Variants in ANKRD36 observed in about 807,000 individuals in gnomAD.
The protein encoded by ANKRD36 is ankyrin repeat domain 36.
In ANKRD36, 179 loss-of-function variants were observed where a neutral mutation model predicts 278.1. The observed-to-expected ratio is 0.64, with a 90% confidence interval of 0.57 to 0.73. The LOEUF (loss-of-function observed/expected upper bound fraction) is 0.73. Ranked by LOEUF, ANKRD36 falls within the 30% of genes least tolerant of loss-of-function variation. The probability of loss-of-function intolerance (pLI) is 0.00; values close to 1 mark genes in which losing one functional copy is unlikely to be tolerated. For missense variants in ANKRD36, 1,159 were observed against 1,956.7 expected (o/e 0.59, Z 7.69); for synonymous variants, 320 against 641.1 (o/e 0.50, Z 7.57).
chr2:97,118,024 T>C, intron 1 of ANKRD36, 40 bp from the exon 2 acceptor site: 1 of 1,539,318 alleles, frequency 6.5e-7, no homozygotes, highest in Admixed American at 2.1e-5. Context: ...TAATTAATGC[T>C]TACAGTTACA....
intron 38 of ANKRD36, 125 bp from the exon 39 acceptor site, chr2:97,194,601 A>T (rs1359995318): frequency 6.5e-7 from 1 of 1,535,534 alleles, no homozygotes; most frequent in African/African-American, 1.4e-5. Context: ...GACAGAAAGT[A>T]GAAGCCATCA....
At chr2:97,210,971 G>T (rs2064346131) in intron 56 of ANKRD36, among the ~76,000 whole-genome samples, 1 of 151,858 alleles carries the variant, frequency 6.6e-6, no homozygotes, top group African/African-American at 2.4e-5. Context: ...ATGGGGGTGA[G>T]AGATAATGAA....
intron 67 of ANKRD36, among the ~76,000 whole-genome samples, chr2:97,233,391 G>A (rs1434123948): frequency 6.7e-6 from 1 of 149,666 alleles, no homozygotes; most frequent in African/African-American, 2.5e-5. Context: ...GTGTAAAATG[G>A]GGTAATCTAA....
chr2:97,190,007 A>G (rs2058157780), intron 34 of ANKRD36, among the ~76,000 whole-genome samples: 1 of 85,080 alleles, frequency 1.2e-5, no homozygotes, highest in African/African-American at 2.7e-5. Context: ...CTTTACTTAT[A>G]AAAATGAGAT....
At chr2:97,197,494 A>T (rs1359679027) in intron 42 of ANKRD36, among the ~76,000 whole-genome samples, 4 of 151,936 alleles carry the variant, frequency 2.6e-5, no homozygotes, top group Non-Finnish European at 5.9e-5. Flanking sequence ...TTTTAGTTAT[A>T]GAAATGAGAC....
chr2:97,142,934 C>G, intron 8 of ANKRD36, 99 bp downstream of exon 8: 1 of 1,387,598 alleles, frequency 7.2e-7, no homozygotes, highest in Non-Finnish European at 9.6e-7. Context: ...TCTGCACATT[C>G]TGATTCAGCA....
At chr2:97,132,311 A>G (rs1180648250) in intron 6 of ANKRD36, among the ~76,000 whole-genome samples, 2 of 151,874 alleles carry the variant, frequency 1.3e-5, no homozygotes, top group Admixed American at 6.6e-5. Flanking sequence ...CCCAATTATT[A>G]TAAAAGAAAC....
At chr2:97,195,313 C>T (rs1387972695) in intron 40 of ANKRD36, among the ~76,000 whole-genome samples, 2 of 151,938 alleles carry the variant, frequency 1.3e-5, no homozygotes, top group African/African-American at 4.8e-5. Context: ...AACCCATAGA[C>T]ACTGTAGAAG....
chr2:97,196,450 A>T, intron 40 of ANKRD36, 143 bp from the exon 41 acceptor site: 8 of 1,466,850 alleles, frequency 5.5e-6, no homozygotes, highest in Non-Finnish European at 7.4e-6. Flanking sequence ...GTCATGTTCT[A>T]GTCCCCAGAC....
Position 97,201,335 on chromosome 2 carries a change from A to G in ANKRD36, c.2857+810A>G, listed in dbSNP as rs370914866. ...TGAAACTTCTATAGAAAATAACATG[A>G]TACTGCCTACAAGGGTATTCTAGAA... On this transcript the variant is annotated intron_variant, in intron 46 of 75. Coordinates refer to ENST00000420699, the MANE Select transcript of ANKRD36 (RefSeq NM_001354587.1). Among the ~76,000 whole-genome samples, 20 of 151,908 alleles carry G rather than the reference A, an allele frequency of 1.3e-4. 1 individual carries two copies. Among genetic ancestry groups the G allele is most frequent in the South Asian group, 1.0e-3 (5 of 4,802 alleles).
At chr2:97,145,985 G>C (rs2044141126) in intron 10 of ANKRD36, among the ~76,000 whole-genome samples, 1 of 152,022 alleles carries the variant, frequency 6.6e-6, no homozygotes, top group Admixed American at 6.6e-5. Context: ...AATATTTGTA[G>C]TATAATTGTT....
intron 11 of ANKRD36, among the ~76,000 whole-genome samples, chr2:97,148,546 G>A (rs1398587298): frequency 6.6e-6 from 1 of 152,348 alleles, no homozygotes; most frequent in Non-Finnish European, 1.5e-5. Context: ...TGTCTATGAA[G>A]GTTCTTAAGC....
rs1436826838 is a variant in ANKRD36 at position 97,124,498 on chromosome 2, A to G, written c.632A>G (p.Asp211Gly). Reference protein sequence around the residue: ...LIHAVTLGEKDIVILLLQHNI... With the variant: ...LIHAVTLGEKGIVILLLQHNI... ...CATGCTGTTACTCTTGGAGAAAAAGATATAGTCATTCTTCTTCTGCAGCAC... is the reference window on the plus strand; with the variant it reads ...CATGCTGTTACTCTTGGAGAAAAAGGTATAGTCATTCTTCTTCTGCAGCAC... The change falls in exon 5 of 76, where the codon GAT (aspartate) becomes GGT (glycine). Residue 211 changes from aspartate to glycine, a missense_variant. Asp to Gly is a moderately conservative substitution (Grantham distance 94). Coordinates refer to ENST00000420699, the MANE Select transcript of ANKRD36 (RefSeq NM_001354587.1). 3 of 1,551,762 alleles carry G rather than the reference A, an allele frequency of 1.9e-6. No individual in the cohort carries two copies. Among genetic ancestry groups the G allele is most frequent in the Non-Finnish European group, 8.7e-7 (1 of 1,146,822 alleles).
intron 75 of ANKRD36, among the ~76,000 whole-genome samples, chr2:97,260,365 T>TATATATATATATATAC (rs1244022923): frequency 7.9e-6 from 1 of 126,532 alleles, no homozygotes; most frequent in Non-Finnish European, 1.6e-5. Flanking sequence ...TATATATATA[T>TATATATATATATATAC]ATATATATAT....
chr2:97,199,952 G>A (rs1233044586), intron 44 of ANKRD36, among the ~76,000 whole-genome samples: 1 of 151,870 alleles, frequency 6.6e-6, no homozygotes, highest in Non-Finnish European at 1.5e-5. Context: ...CTCTTAATTT[G>A]TTGCATGAAA....
chr2:97,230,430 C>T (rs1380718743), intron 67 of ANKRD36, among the ~76,000 whole-genome samples: 14 of 152,216 alleles, frequency 9.2e-5, no homozygotes, highest in Middle Eastern at 3.4e-3. Flanking sequence ...TTGATTGCAT[C>T]GGCTCCTGAG....
chr2:97,262,593 A>AT (rs2153705843), intron 75 of ANKRD36, among the ~76,000 whole-genome samples: 1 of 131,802 alleles, frequency 7.6e-6, no homozygotes, highest in Admixed American at 8.2e-5. Context: ...TTGTTTGCAA[A>AT]TTTGTACCCT....
At chr2:97,121,963 C>T (rs2037000471) in intron 3 of ANKRD36, among the ~76,000 whole-genome samples, 1 of 145,122 alleles carries the variant, frequency 6.9e-6, no homozygotes, top group African/African-American at 2.5e-5. Context: ...AGAGAAAACC[C>T]ATGGACTATT....
rs781743778 is a variant in ANKRD36, at chr2:97,190,976, A to AGT, written c.2247_2248dup. Reference sequence around the variant, plus strand: ...GATTATGTATCCCTTTTTGCTTTTCAGTGTCTTCTCAGAAACAACCAGCCT... The same window carrying AGT: ...GATTATGTATCCCTTTTTGCTTTTCAGTGTGTCTTCTCAGAAACAACCAGCCT... On this transcript the variant is annotated splice_acceptor_variant, in intron 34 of 75. Transcript: ENST00000420699. LOFTEE classifies it high-confidence loss of function. 5 of 1,603,850 alleles carry AGT rather than the reference A, an allele frequency of 3.1e-6. No individual in the cohort carries two copies. The highest frequency in any genetic ancestry group is 4.3e-6 in the Non-Finnish European group (5 of 1,175,242).
Sources: gnomAD v4.1 joint callset for allele counts (sites outside exome capture counted in the v4.1 genomes callset) on GRCh38, gnomAD v4.1.1 for gene constraint, MANE v1.5 for transcripts, NCBI Gene and HGNC (gene_info 2026-07-23, HGNC 2026-07-21) for gene names.